CSMD2: variants seen among roughly 807,000 people sequenced by gnomAD.
The protein encoded by CSMD2 is CUB and sushi domain-containing protein 2.
A neutral mutation model predicts 398.5 loss-of-function variants in CSMD2; 130 were observed. That is an observed-to-expected ratio of 0.33 (90% CI 0.28 to 0.38). The LOEUF is 0.38. Ranked by LOEUF, CSMD2 falls within the 10% of genes least tolerant of loss-of-function variation. CSMD2 has a pLI of 1.00. For synonymous variants in CSMD2, 1,828 were observed against 1,908.5 expected (o/e 0.96, Z 1.10); for missense variants, 3,829 against 4,764.9 (o/e 0.80, Z 5.78).
intron 3 of CSMD2, among the ~76,000 whole-genome samples, chr1:34,031,765 C>CAAAAAAAAA (rs556094322): frequency 5.6e-5 from 4 of 71,252 alleles, no homozygotes; most frequent in East Asian, 8.1e-4. Context: ...AAGGCAAAGG[C>CAAAAAAAAA]AAAAAAAAAA....
chr1:34,089,179 A>G lies in CSMD2; in HGVS notation c.202T>C (p.Phe68Leu). The G allele has an allele frequency of 6.2e-7, 1 of 1,614,134 alleles. No individual in the cohort carries two copies. The highest frequency in any genetic ancestry group is 8.5e-7 in the Non-Finnish European group (1 of 1,180,006). The change falls in exon 2 of 71, where the codon TTC becomes CTC. Residue 68 changes from phenylalanine (F) to leucine (L), a missense_variant. Phe to Leu is a conservative substitution (Grantham distance 22). Transcript: ENST00000373381. ...GTCCCATTGGGACCGTGCAGTTGGAACGTGCAGTTCTGGCCTGGGAAAGAG... is the reference window on the plus strand; with the variant it reads ...GTCCCATTGGGACCGTGCAGTTGGAGCGTGCAGTTCTGGCCTGGGAAAGAG... ...VSAAAGQNCT[F>L]QLHGPNGTVE...
chr1:33,922,894 T>C (rs1394830030), intron 4 of CSMD2, among the ~76,000 whole-genome samples: 1 of 152,178 alleles, frequency 6.6e-6, no homozygotes, highest in South Asian at 2.1e-4. Flanking sequence ...CTCCAGCCCA[T>C]CCATTCTTTT....
chr1:34,119,490 G>T (rs895661731), intron 1 of CSMD2, among the ~76,000 whole-genome samples: 1 of 152,132 alleles, frequency 6.6e-6, no homozygotes, highest in East Asian at 1.9e-4. Flanking sequence ...GGCAACCTAA[G>T]AAATGGGAGA....
At chr1:33,611,455 T>C (rs1359256240) in intron 40 of CSMD2, among the ~76,000 whole-genome samples, 1 of 152,232 alleles carries the variant, frequency 6.6e-6, no homozygotes, top group East Asian at 1.9e-4. Flanking sequence ...AGTGTATTAT[T>C]CATTCAAAAA....
intron 3 of CSMD2, among the ~76,000 whole-genome samples, chr1:34,009,199 T>C (rs1192563316): frequency 6.6e-6 from 1 of 152,024 alleles, no homozygotes; most frequent in African/African-American, 2.4e-5. Context: ...CCCTTGTCTC[T>C]CCTATGAGAA....
intron 3 of CSMD2, among the ~76,000 whole-genome samples, chr1:34,016,081 T>G (rs1648068798): frequency 6.6e-6 from 1 of 152,012 alleles, no homozygotes; most frequent in South Asian, 2.1e-4. Flanking sequence ...AATATTTTAT[T>G]TATATACATA....
At chr1:34,074,363 C>A (rs1356913544) in intron 2 of CSMD2, among the ~76,000 whole-genome samples, 3 of 152,264 alleles carry the variant, frequency 2.0e-5, no homozygotes, top group Non-Finnish European at 4.4e-5. Context: ...AGCTCCTCAG[C>A]AGGGCATACA....
At chr1:33,610,294 T>C (rs532432132) in intron 41 of CSMD2, among the ~76,000 whole-genome samples, 2 of 152,116 alleles carry the variant, frequency 1.3e-5, no homozygotes, top group East Asian at 3.9e-4. Flanking sequence ...TTTTAAAAAT[T>C]CAGTGGAAGA....
At chr1:33,939,462 A>C (rs556560423) in intron 3 of CSMD2, among the ~76,000 whole-genome samples, 1 of 152,316 alleles carries the variant, frequency 6.6e-6, no homozygotes, top group Admixed American at 6.5e-5. Flanking sequence ...GGAGGGAGCC[A>C]ACTAGGGGAA....
chr1:34,159,256 T>C (rs1436043027), intron 1 of CSMD2, among the ~76,000 whole-genome samples: 3 of 152,030 alleles, frequency 2.0e-5, no homozygotes, highest in Non-Finnish European at 2.9e-5. Flanking sequence ...TGTGAGGAGT[T>C]GTAAGAACCC....
chr1:34,028,484 C>T (rs1278637876), intron 3 of CSMD2, among the ~76,000 whole-genome samples: 1 of 152,192 alleles, frequency 6.6e-6, no homozygotes, highest in Non-Finnish European at 1.5e-5. Context: ...TTGTTGCCTC[C>T]ATGGATGACC....
intron 5 of CSMD2, among the ~76,000 whole-genome samples, chr1:33,877,467 C>T (rs777263100): frequency 1.8e-4 from 28 of 152,160 alleles, no homozygotes; most frequent in Non-Finnish European, 2.8e-4. Context: ...TCACCATCAA[C>T]CTTTGTGAGG....
intron 1 of CSMD2, among the ~76,000 whole-genome samples, chr1:34,159,885 G>A (rs114785540): frequency 4.4e-4 from 67 of 152,310 alleles, no homozygotes; most frequent in African/African-American, 1.5e-3. Context: ...AGGCACATTC[G>A]ATGAGGTATG....
chr1:33,655,034 G>T (rs1643905993), intron 27 of CSMD2, among the ~76,000 whole-genome samples: 2 of 152,240 alleles, frequency 1.3e-5, no homozygotes, highest in Admixed American at 6.5e-5. Flanking sequence ...GGCCTTGCTT[G>T]GATCCCTGGG....
rs979706697 is a variant in CSMD2 at position 33,520,081 on chromosome 1, G to A, written c.10598-131C>T. On this transcript the variant is annotated intron_variant, in intron 68 of 70. Transcript: ENST00000373381. ...GGTGCTCCTCACTCCTGCTCAGCAC[G>A]GGAGGCAGGTGTGCCCAGGGCTGCC... The A allele has an allele frequency of 1.3e-5, 14 of 1,086,862 alleles. No individual in the cohort carries two copies. The Admixed American group carries it at 2.6e-4, about 20-fold the overall frequency. The allele number at this position is 1,086,862 out of a possible 1,614,324, so 67.3% of individuals were successfully genotyped here. A position where few individuals can be genotyped will look rare whatever the true frequency, so the allele number is the denominator to read the frequency against.
rs941102814 is a variant in CSMD2, at chr1:33,544,300, G to A, written c.9101-1404C>T. Among the ~76,000 whole-genome samples the A allele has an allele frequency of 6.6e-4, 89 of 135,746 alleles. 1 individual carries two copies. Among genetic ancestry groups the A allele is most frequent in the African/African-American group, 2.5e-3 (85 of 34,110 alleles). 89.1% of individuals were successfully genotyped at this position (135,746 alleles called of 152,430 possible). A position where few individuals can be genotyped will look rare whatever the true frequency, so the allele number is the denominator to read the frequency against. ...TTTTTTTTTTTTTTTTGTATTTTTA[G>A]TAGAGACGGGGTTTCACCGTATTAG... is the stretch of plus-strand genomic sequence containing the variant. On this transcript the variant is annotated intron_variant, in intron 57 of 70. Coordinates refer to ENST00000373381, the MANE Select transcript of CSMD2 (RefSeq NM_001281956.2).
chr1:33,816,740 T>C (rs1017706051), intron 9 of CSMD2, among the ~76,000 whole-genome samples: 4 of 152,182 alleles, frequency 2.6e-5, no homozygotes, highest in Non-Finnish European at 5.9e-5. Flanking sequence ...AAGAAAGGCC[T>C]GTGAACGCCT....
intron 12 of CSMD2, among the ~76,000 whole-genome samples, chr1:33,779,146 CCA>C (rs1652373869): frequency 6.6e-6 from 1 of 152,170 alleles, no homozygotes; most frequent in Non-Finnish European, 1.5e-5. Context: ...TTCCTGAAAT[CCA>C]CAGACTAAAA....
At chr1:33,833,069 G>C (rs1197663134) in intron 6 of CSMD2, among the ~76,000 whole-genome samples, 2 of 141,502 alleles carry the variant, frequency 1.4e-5, no homozygotes, top group African/African-American at 5.4e-5. Context: ...TTCTACCAGA[G>C]GTACAAGGAG....
Sources: allele counts gnomAD v4.1 joint callset (sites outside exome capture counted in the v4.1 genomes callset), GRCh38; gene constraint gnomAD v4.1.1; transcripts MANE v1.5; gene names NCBI Gene and HGNC (gene_info 2026-07-23, HGNC 2026-07-21).